MORC4: variants seen among roughly 807,000 people sequenced by gnomAD.
The protein encoded by MORC4 is MORC family CW-type zinc finger protein 4.
MORC4 carries 22 observed loss-of-function variants against 65.5 expected under a neutral mutation model. The observed-to-expected ratio is 0.34, with a 90% CI of 0.24 to 0.48. The LOEUF (loss-of-function observed/expected upper bound fraction) is 0.48, where lower values mean the gene tolerates loss of function less well. Among genes scored for constraint, MORC4 ranks in the 20% least tolerant of loss-of-function variants. The pLI is 0.99. For synonymous variants in MORC4, 267 were observed against 255.8 expected, an observed-to-expected ratio of 1.04 and a Z score of -0.42; for missense variants, 624 against 703.0, an observed-to-expected ratio of 0.89 and a Z score of 1.27.
At chrX:106,984,258 C>T (rs1443414260) in intron 5 of MORC4, among the ~76,000 whole-genome samples, 3 of 107,991 alleles carry the variant, frequency 2.8e-5, no homozygotes, top group Non-Finnish European at 5.8e-5. Context: ...TGCACTCCAG[C>T]CTGGGCAAGA....
At chrX:106,971,006 A>G (rs1344479128) in intron 9 of MORC4, among the ~76,000 whole-genome samples, 1 of 111,978 alleles carries the variant, frequency 8.9e-6, no homozygotes, top group East Asian at 2.8e-4. Context: ...CCGCATAGCC[A>G]AGACAGTCCT....
rs1212514942 is a variant in MORC4, at chrX:106,998,507, T to TA, written c.175+1169dup. Among the ~76,000 whole-genome samples the TA allele has an allele frequency of 5.3e-5, 6 of 112,254 alleles. 1 individual carries two copies. Among genetic ancestry groups the TA allele is most frequent in the Admixed American group, 4.7e-4 (5 of 10,635 alleles). On this transcript the variant is annotated intron_variant, in intron 2 of 16. Coordinates refer to ENST00000355610, the MANE Select transcript of MORC4 (RefSeq NM_024657.5). ...TTTCGCTTTCCCATCCCCCACTATG[T>TA]AAATCACTACTTTTTGCTCCCTTGT...
intron 14 of MORC4, among the ~76,000 whole-genome samples, chrX:106,953,777 G>A (rs1283790647): frequency 1.8e-5 from 2 of 111,335 alleles, no homozygotes; most frequent in Non-Finnish European, 3.8e-5. Context: ...GTATTCCACT[G>A]ACTATTCTAC....
rs777380445 is a variant in MORC4 at position 106,942,043 on chromosome X, T to C, written c.2555A>G (p.Glu852Gly). 1 of 1,211,658 alleles carries C rather than the reference T, an allele frequency of 8.3e-7. No homozygotes were observed. Among genetic ancestry groups the C allele is most frequent in the East Asian group, 3.0e-5 (1 of 33,838 alleles). Residue 852 changes from glutamate (E) to glycine (G), a missense_variant, in exon 16 of 17, where the codon GAA becomes GGA. Glu to Gly is a moderately conservative substitution (Grantham distance 98, BLOSUM62 -2). Coordinates refer to ENST00000355610, the MANE Select transcript of MORC4 (RefSeq NM_024657.5). ...CAGTTTCTCTTTTAACTCTTGCTTT[T>C]CCTCTTTGGTTCTTTCCAGCTCAGC... ...LKAELERTKE[E>G]KQELKEKLKE... is the part of the protein sequence containing the mutation.
chrX:106,958,345 G>C lies in MORC4; in HGVS notation c.1376C>G (p.Pro459Arg), dbSNP rs1257220742. 1.7e-6 allele frequency: 2 copies of C among 1,203,239 alleles called. No individual in the cohort carries two copies. Among genetic ancestry groups the C allele is most frequent in the Non-Finnish European group, 2.2e-6 (2 of 890,344 alleles). The part of the protein sequence containing the change: ...ARWFCYYNSH[P>R]KYRRCSVPEE... ...AGTCCTGGAACCTTACCTGTACTTT[G>C]GATGGGAATTATAATAACAAAACCA... The change falls in exon 11 of 17, where the codon CCA becomes CGA. Residue 459 changes from proline to arginine, a missense_variant. Pro to Arg is a moderately radical substitution (Grantham distance 103, BLOSUM62 -2). Transcript: ENST00000355610.
intron 14 of MORC4, among the ~76,000 whole-genome samples, chrX:106,951,234 T>C (rs1221162153): frequency 8.9e-6 from 1 of 112,180 alleles, no homozygotes; most frequent in East Asian, 2.8e-4. Flanking sequence ...CTCCCTCCAC[T>C]GTTAACAGTG....
At chrX:106,958,625 C>G (rs1934164820) in intron 10 of MORC4, among the ~76,000 whole-genome samples, 161 bp from the exon 11 acceptor site, 1 of 111,595 alleles carries the variant, frequency 9.0e-6, no homozygotes, top group Admixed American at 9.5e-5. Context: ...TTTTTAACTT[C>G]ACAGATAAAA....
At chrX:106,967,761 T>C (rs1318709986) in intron 9 of MORC4, among the ~76,000 whole-genome samples, 1 of 110,776 alleles carries the variant, frequency 9.0e-6, no homozygotes, top group Admixed American at 9.5e-5. Context: ...AAGACAAGAT[T>C]AGAGAAAAAA....
chrX:106,946,700 T>C (rs1237687554), intron 14 of MORC4, among the ~76,000 whole-genome samples: 3 of 112,560 alleles, frequency 2.7e-5, no homozygotes, highest in African/African-American at 9.7e-5. Context: ...TGTGAAACTA[T>C]TGGAATGTTT....
At chrX:106,984,478 T>C (rs1247179489) in intron 5 of MORC4, among the ~76,000 whole-genome samples, 1 of 90,288 alleles carries the variant, frequency 1.1e-5, no homozygotes, top group Admixed American at 1.2e-4. Flanking sequence ...TTTTTTTTTT[T>C]TTTTTTTTTG....
At chrX:106,943,482 G>C (rs1933750382) in intron 14 of MORC4, among the ~76,000 whole-genome samples, 1 of 111,333 alleles carries the variant, frequency 9.0e-6, no homozygotes, top group Admixed American at 9.6e-5. Context: ...AAATAAGATT[G>C]CGACCAGCCT....
rs773352206 is a variant in MORC4 at position 106,978,110 on chromosome X, T to C, written c.1026A>G (p.Lys342=). The C allele has an allele frequency of 8.3e-6, 10 of 1,207,485 alleles. No individual in the cohort carries two copies. In the African/African-American group the frequency reaches 1.4e-4, roughly 17 times the overall value. ...CCTGGCACCCCACCTTCTCAAAAGA[T>C]TTTATGAGTCGGTTGTTATGATACA... ...IMMYHNNRLI[K]SFEKVGCQVK... is the part of the protein sequence containing the mutation. The change falls in exon 8 of 17, where the codon AAA becomes AAG. Residue 342 remains lysine, a synonymous_variant. Coordinates refer to ENST00000355610, the MANE Select transcript of MORC4 (RefSeq NM_024657.5).
chrX:106,960,014 G>T (rs1934195630), intron 10 of MORC4, among the ~76,000 whole-genome samples: 1 of 111,710 alleles, frequency 9.0e-6, no homozygotes, highest in South Asian at 3.7e-4. Context: ...CACATTTTTG[G>T]ATCTACAGCT....
Position 106,999,904 on chromosome X carries a change from G to GCCGGGC in MORC4, c.60_65dup (p.Pro21_Gly22dup). On this transcript the variant is annotated inframe_insertion, in exon 1 of 17. Coordinates refer to ENST00000355610, the MANE Select transcript of MORC4 (RefSeq NM_024657.5). ...GGATCCCGAAGGCCTGCGGGCCGCC[G>GCCGGGC]CCGGGCCGGGCCAGCCCGCAGCCCG... 1 of 824,264 alleles carries GCCGGGC rather than the reference G, an allele frequency of 1.2e-6. No individual in the cohort carries two copies. Among genetic ancestry groups the GCCGGGC allele is most frequent in the South Asian group, 6.2e-5 (1 of 16,006 alleles). The allele number at this position is 824,264 out of a possible 1,213,427, so 67.9% of individuals were successfully genotyped here.
intron 3 of MORC4, among the ~76,000 whole-genome samples, chrX:106,989,697 G>A (rs763175298): frequency 2.1e-4 from 23 of 108,232 alleles, no homozygotes; most frequent in African/African-American, 6.7e-4. Flanking sequence ...GTGAAACCCC[G>A]TCTCTACTAA....
chrX:106,989,734 G>A (rs1406135207), intron 3 of MORC4, among the ~76,000 whole-genome samples: 2 of 108,601 alleles, frequency 1.8e-5, no homozygotes, highest in Non-Finnish European at 3.8e-5. Context: ...AGGCATGGTG[G>A]CGCATGCCTG....
At position 106,941,615 on chromosome X, in the gene MORC4, G is replaced by A. The variant is rs1253905220; in HGVS notation, c.2678C>T (p.Thr893Met). The change falls in exon 17 of 17, where the codon ACG becomes ATG. Residue 893 changes from threonine to methionine, a missense_variant. Thr to Met is a moderately conservative substitution (Grantham distance 81). Transcript: ENST00000355610. ...DDLERALAKLTRLRIHVSYLL... is the reference protein window; with the variant it reads ...DDLERALAKLMRLRIHVSYLL... ...ATAGCTGACGTGGATACGTAGCCGC[G>A]TAAGCTTTGCCAAAGCCCTGTATGA... The A allele has an allele frequency of 5.8e-6, 7 of 1,208,398 alleles. No homozygotes were observed. The highest frequency in any genetic ancestry group is 2.2e-5 in the Admixed American group (1 of 45,590).
chrX:106,958,647 T>C (rs1460303670), intron 10 of MORC4, among the ~76,000 whole-genome samples, 183 bp from the exon 11 acceptor site: 1 of 112,209 alleles, frequency 8.9e-6, no homozygotes, highest in South Asian at 3.7e-4. Flanking sequence ...GATAGAACTA[T>C]AGCAAATATG....
At chrX:106,952,672 G>T (rs1472247132) in intron 14 of MORC4, among the ~76,000 whole-genome samples, 1 of 111,771 alleles carries the variant, frequency 8.9e-6, no homozygotes, top group African/African-American at 3.3e-5. Flanking sequence ...AGTGACACCT[G>T]TGGCGCCCCT....
Sources: allele counts gnomAD v4.1 joint callset (sites outside exome capture counted in the v4.1 genomes callset), GRCh38; gene constraint gnomAD v4.1.1; transcripts MANE v1.5; gene names NCBI Gene and HGNC (gene_info 2026-07-23, HGNC 2026-07-21).